Variants in RSRP1 observed in about 807,000 individuals in gnomAD.
RSRP1 encodes arginine and serine rich protein 1.
In RSRP1, 37 loss-of-function variants were observed where a neutral mutation model predicts 33.0. The observed-to-expected ratio is 1.12, with a 90% CI of 0.86 to 1.48. RSRP1 has a LOEUF of 1.48. RSRP1 is among the 40% of genes most tolerant of loss of function. The probability of loss-of-function intolerance (pLI) is 0.00; values close to 1 mark genes in which losing one functional copy is unlikely to be tolerated. For missense variants in RSRP1, 402 were observed against 385.3 expected, an observed-to-expected ratio of 1.04 and a Z score of -0.36; for synonymous variants, 167 against 158.7, an observed-to-expected ratio of 1.05 and a Z score of -0.40.
Position 25,289,205 on chromosome 1 carries a change from G to C in RSRP1, c.-66-42176C>G, listed in dbSNP as rs1237867246. ...ATTTTACAGAGAGTGAATTTTTTTT[G>C]TGTGTGTGTGAGGCAGTCTTACTCT... On this transcript the variant is annotated intron_variant, in intron 1 of 1. Coordinates refer to the RSRP1 transcript ENST00000561867. Among the ~76,000 whole-genome samples, 70 of 131,618 alleles carry C rather than the reference G, an allele frequency of 5.3e-4. 15 individuals carry two copies. Among genetic ancestry groups the C allele is most frequent in the Middle Eastern group, 4.1e-3 (1 of 244 alleles). 86.3% of individuals were successfully genotyped at this position (131,618 alleles called of 152,430 possible).
chr1:25,246,594 T>C lies in RSRP1; in HGVS notation c.370A>G (p.Arg124Gly). ...GCGTACGCCCTTCCGCAGTACGACC[T>C]TCCCCGAGAGCGCGACCTGCTACGG... ...RSRSRSRSRGRSYCGRAYAIA... is the reference protein window; with the variant it reads ...RSRSRSRSRGGSYCGRAYAIA... Residue 124 changes from arginine to glycine, a missense_variant, in exon 2 of 5, where the codon AGG becomes GGG. Coordinates refer to ENST00000243189, the MANE Select transcript of RSRP1 (RefSeq NM_020317.5). The C allele has an allele frequency of 6.2e-7, 1 of 1,614,136 alleles. No homozygotes were observed. The highest frequency in any genetic ancestry group is 8.5e-7 in the Non-Finnish European group (1 of 1,180,028).
chr1:25,310,248 T>C lies in RSRP1; in HGVS notation c.-67+27730A>G, dbSNP rs1644068597. 2.2e-5 allele frequency among the ~76,000 whole-genome samples: 3 copies of C among 133,446 alleles called. 1 individual carries two copies. The highest frequency in any genetic ancestry group is 1.9e-4 in the East Asian group (1 of 5,136). The allele number at this position is 133,446 out of a possible 152,430, so 87.5% of individuals were successfully genotyped here. On this transcript the variant is annotated intron_variant, in intron 1 of 1. Transcript: ENST00000561867. The stretch of plus-strand genomic sequence containing the variant: ...CTTAATCCTTCAATTCATATGTTGA[T>C]GGTTTTTGGAGGAAGGGCCTTTGGG...
intron 1 of RSRP1, chr1:25,284,670 C>T (rs1641806486): frequency 7.2e-7 from 1 of 1,388,842 alleles, no homozygotes. Flanking sequence ...TCAACCTCTT[C>T]ATGCTGGCGC....
rs746271917 is a variant in RSRP1, at chr1:25,301,482, G to C, written c.-67+36496C>G. Reference sequence around the variant, plus strand: ...CTCGAGGCTCAGACCTTTGGAGCAGGAGTGTGATTCTGGCCAACCACCCTC... The same window carrying C: ...CTCGAGGCTCAGACCTTTGGAGCAGCAGTGTGATTCTGGCCAACCACCCTC... On this transcript the variant is annotated intron_variant, in intron 1 of 1. Coordinates refer to the RSRP1 transcript ENST00000561867. 1.6e-5 allele frequency: 22 copies of C among 1,364,274 alleles called. 8 individuals carry two copies. Among genetic ancestry groups the C allele is most frequent in the Non-Finnish European group, 2.1e-5 (20 of 966,722 alleles). The allele number at this position is 1,364,274 out of a possible 1,614,324, so 84.5% of individuals were successfully genotyped here.
intron 1 of RSRP1, among the ~76,000 whole-genome samples, chr1:25,268,435 C>T (rs1451728811): frequency 1.5e-5 from 2 of 130,842 alleles, no homozygotes; most frequent in African/African-American, 5.2e-5. Flanking sequence ...AGGAGAATCG[C>T]TTGAACCTAA....
At chr1:25,251,666 G>C (rs777247512), upstream of RSRP1, among the ~76,000 whole-genome samples, 5 of 152,076 alleles carry the variant, frequency 3.3e-5, no homozygotes, top group Admixed American at 6.6e-5. Flanking sequence ...ACTGCGCCCG[G>C]CTCAAAGTTA....
intron 1 of RSRP1, among the ~76,000 whole-genome samples, chr1:25,311,616 C>T (rs1644153542): frequency 7.7e-6 from 1 of 130,040 alleles, no homozygotes; most frequent in Admixed American, 7.5e-5. Context: ...ACTCCAAAGC[C>T]ATTTCAGAGA....
intron 1 of RSRP1, among the ~76,000 whole-genome samples, chr1:25,334,809 A>C (rs1317756510): frequency 1.5e-5 from 2 of 132,808 alleles, no homozygotes; most frequent in Admixed American, 7.2e-5. Context: ...GCCTCCTGTC[A>C]GTCATGGTTG....
Position 25,306,696 on chromosome 1 carries a change from T to C in RSRP1, c.-67+31282A>G, listed in dbSNP as rs1275058449. 6 of 1,378,614 alleles carry C rather than the reference T, an allele frequency of 4.4e-6. 1 individual carries two copies. In the African/African-American group the frequency reaches 8.6e-5, roughly 20 times the overall value. 85.4% of individuals were successfully genotyped at this position (1,378,614 alleles called of 1,614,324 possible). A position where few individuals can be genotyped will look rare whatever the true frequency, so the allele number is the denominator to read the frequency against. ...GGAGAGATCATCTACATTGTGCTGCTGGTGCTTGATACCGTCGGAGCCGGC... is the reference window on the plus strand; with the variant it reads ...GGAGAGATCATCTACATTGTGCTGCCGGTGCTTGATACCGTCGGAGCCGGC... On this transcript the variant is annotated intron_variant, in intron 1 of 1. Transcript: ENST00000561867.
rs915450137 is a variant in RSRP1 at position 25,331,404 on chromosome 1, AAT to A, written c.-67+6572_-67+6573del. Among the ~76,000 whole-genome samples, 5 of 131,828 alleles carry A rather than the reference AAT, an allele frequency of 3.8e-5. 1 individual carries two copies. Among genetic ancestry groups the A allele is most frequent in the African/African-American group, 1.3e-4 (5 of 38,728 alleles). 86.5% of individuals were successfully genotyped at this position (131,828 alleles called of 152,430 possible). On this transcript the variant is annotated intron_variant, in intron 1 of 1. Coordinates refer to the RSRP1 transcript ENST00000561867. Reference sequence around the variant, plus strand: ...TTAGGGGTTAGGGCTTCAAAAGATGAATCTGAGGGAGCTCAATTCAGTAAATA... The same window carrying A: ...TTAGGGGTTAGGGCTTCAAAAGATGACTGAGGGAGCTCAATTCAGTAAATA...
intron 1 of RSRP1, chr1:25,321,773 G>C: frequency 1.9e-6 from 1 of 524,334 alleles, no homozygotes; most frequent in South Asian, 1.9e-5. Context: ...TCAATTGTGG[G>C]AGAAAAAGGA....
intron 1 of RSRP1, among the ~76,000 whole-genome samples, chr1:25,258,788 A>G (rs893301202): frequency 6.6e-6 from 1 of 152,184 alleles, no homozygotes; most frequent in Non-Finnish European, 1.5e-5. Context: ...TGAAATAAAT[A>G]TCTCTTAAAA....
Position 25,287,169 on chromosome 1 carries a change from A to G in RSRP1, c.-66-40140T>C, listed in dbSNP as rs1383276332. Among the ~76,000 whole-genome samples the G allele has an allele frequency of 5.2e-5, 7 of 135,292 alleles. 1 individual carries two copies. The highest frequency in any genetic ancestry group is 1.3e-4 in the African/African-American group (5 of 39,192). The allele number at this position is 135,292 out of a possible 152,430, so 88.8% of individuals were successfully genotyped here. A position where few individuals can be genotyped will look rare whatever the true frequency, so the allele number is the denominator to read the frequency against. On this transcript the variant is annotated intron_variant, in intron 1 of 1. Transcript: ENST00000561867. ...AATACACACACGCACACATGCACGC[A>G]TACACACACTGTGTCCACCTGGGAA...
At chr1:25,291,340 G>A (rs1312471958) in intron 1 of RSRP1, among the ~76,000 whole-genome samples, 2 of 130,910 alleles carry the variant, frequency 1.5e-5, no homozygotes, top group African/African-American at 5.2e-5. Context: ...ATGGTGGCAG[G>A]CGCCTGTAAT....
chr1:25,278,158 A>C (rs1571579670), intron 1 of RSRP1, among the ~76,000 whole-genome samples: 1 of 129,334 alleles, frequency 7.7e-6, no homozygotes, highest in Non-Finnish European at 1.8e-5. Context: ...GAGATTCTAG[A>C]GATATTTAGG....
In RSRP1 at chr1:25,276,532, T is replaced by TA. The variant is rs557746335; in HGVS notation, c.-66-29504dup. On this transcript the variant is annotated intron_variant, in intron 1 of 1. Coordinates refer to the RSRP1 transcript ENST00000561867. ...ACATAGGGAGACCCCCCCCCATCTC[T>TA]AAAAAAAAAAAAAAAAAAAAAAACT... Among the ~76,000 whole-genome samples the TA allele has an allele frequency of 3.9e-3, 252 of 64,774 alleles. 19 individuals are homozygous for TA. Among genetic ancestry groups the TA allele is most frequent in the African/African-American group, 0.017 (239 of 13,858 alleles). The allele number at this position is 64,774 out of a possible 152,430, so 42.5% of individuals were successfully genotyped here. A position where few individuals can be genotyped will look rare whatever the true frequency, so the allele number is the denominator to read the frequency against.
chr1:25,282,172 A>G (rs1480896856), intron 1 of RSRP1, among the ~76,000 whole-genome samples: 1 of 132,906 alleles, frequency 7.5e-6, no homozygotes. Flanking sequence ...CTGATAAGGA[A>G]AGTAAGCAAC....
At position 25,282,958 on chromosome 1, in the gene RSRP1, C is replaced by T. The variant is rs114734368; in HGVS notation, c.-66-35929G>A. On this transcript the variant is annotated intron_variant, in intron 1 of 1. Coordinates refer to the RSRP1 transcript ENST00000561867. ...AAACACTAAAACTAAAAAAGTAAAACACCTCCCAAACTTAGAGACAATATT... is the reference window on the plus strand; with the variant it reads ...AAACACTAAAACTAAAAAAGTAAAATACCTCCCAAACTTAGAGACAATATT... 3.2e-3 allele frequency among the ~76,000 whole-genome samples: 424 copies of T among 131,748 alleles called. 61 individuals are homozygous for T. Among genetic ancestry groups the T allele is most frequent in the African/African-American group, 0.01 (404 of 38,768 alleles). The allele number at this position is 131,748 out of a possible 152,430, so 86.4% of individuals were successfully genotyped here.
rs1156803274 is a variant in RSRP1, at chr1:25,310,837, G to GACTC, written c.-67+27140_-67+27141insGAGT. On this transcript the variant is annotated intron_variant, in intron 1 of 1. Transcript: ENST00000561867. ...AAATACAAAAAATTAGCTGGGCGTG[G>GACTC]TGGCGCACACCTGTAATCTCAGCTA... is the stretch of plus-strand genomic sequence containing the variant. 1.4e-4 allele frequency among the ~76,000 whole-genome samples: 18 copies of GACTC among 130,942 alleles called. 1 individual carries two copies. Among genetic ancestry groups the GACTC allele is most frequent in the East Asian group, 7.8e-4 (4 of 5,096 alleles). 85.9% of individuals were successfully genotyped at this position (130,942 alleles called of 152,430 possible).
Sources: allele counts gnomAD v4.1 joint callset (sites outside exome capture counted in the v4.1 genomes callset), GRCh38; gene constraint gnomAD v4.1.1; transcripts MANE v1.5; gene names NCBI Gene and HGNC (gene_info 2026-07-23, HGNC 2026-07-21).